The following ATE1 variants were observed in gnomAD, a reference collection of about 807,000 sequenced individuals.
ATE1 encodes the protein arginyl-tRNA--protein transferase 1.
ATE1 carries 36 observed loss-of-function variants against 70.5 expected under a neutral mutation model. The observed-to-expected ratio is 0.51, with a 90% confidence interval of 0.39 to 0.67. The LOEUF (loss-of-function observed/expected upper bound fraction) is 0.67, where lower values mean the gene tolerates loss of function less well. ATE1 is among the 30% of genes least tolerant of loss of function. The pLI, the probability that ATE1 is intolerant of heterozygous loss-of-function variation, is 0.00. For synonymous variants in ATE1, 232 were observed against 219.3 expected, an observed-to-expected ratio of 1.06 and a Z score of -0.51; for missense variants, 593 against 629.5, an observed-to-expected ratio of 0.94 and a Z score of 0.62.
At chr10:121,748,935 GTAA>G (rs1944471916) in intron 11 of ATE1, among the ~76,000 whole-genome samples, 2 of 152,112 alleles carry the variant, frequency 1.3e-5, no homozygotes, top group African/African-American at 4.8e-5. Flanking sequence ...AATACTGCAA[GTAA>G]TGTGGTGCTA....
At chr10:121,906,345 C>T (rs191411569) in intron 5 of ATE1, among the ~76,000 whole-genome samples, 11 of 152,104 alleles carry the variant, frequency 7.2e-5, no homozygotes, top group Admixed American at 2.6e-4. Context: ...CTGTACAACA[C>T]GGCAAAACCC....
chr10:121,756,953 C>T (rs1416154088), intron 11 of ATE1, among the ~76,000 whole-genome samples: 1 of 152,210 alleles, frequency 6.6e-6, no homozygotes, highest in Non-Finnish European at 1.5e-5. Flanking sequence ...TTGAATTCTC[C>T]TCAGAAAATG....
chr10:121,819,054 T>C (rs1216934376), intron 10 of ATE1, among the ~76,000 whole-genome samples: 2 of 152,232 alleles, frequency 1.3e-5, no homozygotes, highest in East Asian at 3.8e-4. Context: ...TATGATAAAC[T>C]TCAATTTCCA....
chr10:121,802,320 T>A (rs1404615679), intron 10 of ATE1, among the ~76,000 whole-genome samples: 1 of 151,780 alleles, frequency 6.6e-6, no homozygotes, highest in Non-Finnish European at 1.5e-5. Context: ...TCCACTTTTT[T>A]TTTTTTTTAA....
intron 8 of ATE1, among the ~76,000 whole-genome samples, chr10:121,849,141 G>A (rs183436455): frequency 6.7e-6 from 1 of 148,812 alleles, no homozygotes; most frequent in Non-Finnish European, 1.5e-5. Flanking sequence ...ATCCCAGGAG[G>A]TGGAGATTAC....
intron 10 of ATE1, among the ~76,000 whole-genome samples, chr10:121,818,165 G>A (rs911419623): frequency 3.4e-5 from 5 of 146,254 alleles, no homozygotes; most frequent in Admixed American, 2.1e-4. Flanking sequence ...TCAGGAGGCT[G>A]AGGATGACTT....
chr10:121,925,846 C>T (rs1367391890), intron 1 of ATE1, among the ~76,000 whole-genome samples: 1 of 150,738 alleles, frequency 6.6e-6, no homozygotes, highest in Non-Finnish European at 1.5e-5. Flanking sequence ...TATGAACACA[C>T]CACTGCATTC....
At chr10:121,848,541 C>T (rs1042280318) in intron 8 of ATE1, among the ~76,000 whole-genome samples, 1 of 151,204 alleles carries the variant, frequency 6.6e-6, no homozygotes, top group African/African-American at 2.4e-5. Flanking sequence ...TCGCTTGAAC[C>T]CGGAATGCAG....
At chr10:121,865,529 T>C (rs575954283) in intron 8 of ATE1, among the ~76,000 whole-genome samples, 21 of 152,284 alleles carry the variant, frequency 1.4e-4, no homozygotes, top group African/African-American at 5.1e-4. Context: ...ATTGAAGACA[T>C]CTGTAAGTGG....
chr10:121,893,887 C>T (rs1015856902), intron 7 of ATE1, among the ~76,000 whole-genome samples: 2 of 152,102 alleles, frequency 1.3e-5, no homozygotes, highest in African/African-American at 2.4e-5. Flanking sequence ...CCTGTAATCC[C>T]AGCACTTTGG....
chr10:121,847,293 A>G (rs913336131), intron 8 of ATE1, among the ~76,000 whole-genome samples: 2 of 151,966 alleles, frequency 1.3e-5, no homozygotes, highest in African/African-American at 4.8e-5. Context: ...CTAAAAATAT[A>G]AAAAATTAGC....
At chr10:121,854,909 G>A (rs1403206117) in intron 8 of ATE1, among the ~76,000 whole-genome samples, 2 of 152,174 alleles carry the variant, frequency 1.3e-5, no homozygotes, top group East Asian at 1.9e-4. Flanking sequence ...GCATGTACAC[G>A]GTGGGTTCCA....
intron 11 of ATE1, among the ~76,000 whole-genome samples, chr10:121,752,511 G>A (rs1022413781): frequency 8.5e-5 from 13 of 152,176 alleles, no homozygotes; most frequent in South Asian, 4.1e-4. Context: ...TTACAGGCGT[G>A]AGCCACCGCA....
chr10:121,784,475 G>A (rs376879399), intron 11 of ATE1, among the ~76,000 whole-genome samples: 3 of 152,176 alleles, frequency 2.0e-5, no homozygotes, highest in Non-Finnish European at 2.9e-5. Flanking sequence ...AACTAGGGAA[G>A]TCTAGTATCT....
intron 8 of ATE1, among the ~76,000 whole-genome samples, chr10:121,845,990 A>G (rs1948804769): frequency 6.6e-6 from 1 of 152,144 alleles, no homozygotes; most frequent in Admixed American, 6.5e-5. Flanking sequence ...CATTCCTAGC[A>G]CCCAGATCTT....
At chr10:121,853,892 C>G (rs1044398665) in intron 8 of ATE1, among the ~76,000 whole-genome samples, 1 of 152,186 alleles carries the variant, frequency 6.6e-6, no homozygotes, top group Non-Finnish European at 1.5e-5. Flanking sequence ...TGTCTCCTCA[C>G]ATGATGGTAG....
At chr10:121,848,652 T>C (rs1948935489) in intron 8 of ATE1, among the ~76,000 whole-genome samples, 1 of 148,528 alleles carries the variant, frequency 6.7e-6, no homozygotes, top group Non-Finnish European at 1.5e-5. Flanking sequence ...GGCTCATGCC[T>C]GTAATCCCAG....
intron 10 of ATE1, among the ~76,000 whole-genome samples, chr10:121,810,731 C>A (rs919073417): frequency 6.6e-6 from 1 of 152,020 alleles, no homozygotes; most frequent in Admixed American, 6.6e-5. Flanking sequence ...GAGACAGAGT[C>A]TCACTGTGTC....
intron 8 of ATE1, among the ~76,000 whole-genome samples, chr10:121,843,510 A>T (rs1475779003): frequency 3.9e-5 from 6 of 152,210 alleles, no homozygotes; most frequent in Non-Finnish European, 8.8e-5. Flanking sequence ...AGTTGGAAAA[A>T]ACTGTTGACA....
Sources: gnomAD v4.1 joint callset for allele counts (sites outside exome capture counted in the v4.1 genomes callset) on GRCh38, gnomAD v4.1.1 for gene constraint, MANE v1.5 for transcripts, NCBI Gene and HGNC (gene_info 2026-07-23, HGNC 2026-07-21) for gene names.